Variants in EYA1 observed in about 807,000 individuals in gnomAD.
EYA1 encodes protein phosphatase EYA1.
A neutral mutation model predicts 82.0 loss-of-function variants in EYA1; 16 were observed. That is an observed-to-expected ratio of 0.20 (90% CI 0.13 to 0.30). The LOEUF (loss-of-function observed/expected upper bound fraction) is 0.30. Ranked by LOEUF, EYA1 falls within the 10% of genes least tolerant of loss-of-function variation. The pLI is 1.00. For synonymous variants in EYA1, 261 were observed against 264.4 expected, an observed-to-expected ratio of 0.99 and a Z score of 0.12; for missense variants, 633 against 730.7, an observed-to-expected ratio of 0.87 and a Z score of 1.54.
intron 2 of EYA1, among the ~76,000 whole-genome samples, chr8:71,486,586 C>T (rs866347175): frequency 5.9e-5 from 9 of 152,272 alleles, no homozygotes; most frequent in Admixed American, 6.5e-5. Context: ...GGGGATCCTC[C>T]GAATCCAGAG....
At chr8:71,359,253 TA>T (rs2058949381) in intron 1 of EYA1, among the ~76,000 whole-genome samples, 1 of 152,198 alleles carries the variant, frequency 6.6e-6, no homozygotes. Flanking sequence ...ATTAAATTTA[TA>T]ATTCTTCACA....
At chr8:71,268,399 G>A (rs7018455) in intron 11 of EYA1, among the ~76,000 whole-genome samples, 76,169 of 152,034 alleles carry the variant, frequency 0.5, 19,221 homozygotes, top group South Asian at 0.58. Flanking sequence ...TCAGATATTA[G>A]TCTTTAGTTT....
At chr8:71,310,209 T>G (rs981962576) in intron 7 of EYA1, among the ~76,000 whole-genome samples, 1 of 151,614 alleles carries the variant, frequency 6.6e-6, no homozygotes, top group East Asian at 1.9e-4. Flanking sequence ...CAAGGAAAGA[T>G]GGCATTAAAC....
At chr8:71,509,823 G>A (rs1353955949) in intron 2 of EYA1, among the ~76,000 whole-genome samples, 1 of 152,056 alleles carries the variant, frequency 6.6e-6, no homozygotes. Context: ...CCACTGGAGA[G>A]CATATTGTCC....
At chr8:71,351,282 T>C (rs1003588080) in intron 3 of EYA1, among the ~76,000 whole-genome samples, 2 of 152,196 alleles carry the variant, frequency 1.3e-5, no homozygotes, top group African/African-American at 4.8e-5. Context: ...CATCCATTAG[T>C]GTCTTCCAGG....
At chr8:71,290,261 T>C (rs1171215825) in intron 9 of EYA1, among the ~76,000 whole-genome samples, 1 of 152,172 alleles carries the variant, frequency 6.6e-6, no homozygotes, top group Non-Finnish European at 1.5e-5. Context: ...CAAACACTCA[T>C]AACTTTGTCC....
chr8:71,460,116 T>G (rs1808256064), intron 2 of EYA1, among the ~76,000 whole-genome samples: 1 of 152,336 alleles, frequency 6.6e-6, no homozygotes, highest in African/African-American at 2.4e-5. Context: ...CAGAAGACAT[T>G]GTTCACATTC....
At chr8:71,369,207 A>AG (rs1199109248) in intron 2 of EYA1, among the ~76,000 whole-genome samples, 4 of 151,678 alleles carry the variant, frequency 2.6e-5, no homozygotes, top group African/African-American at 9.7e-5. Flanking sequence ...CGTCTCAAAA[A>AG]AAAAAAAAAA....
At chr8:71,389,841 G>C (rs945661942) in intron 2 of EYA1, among the ~76,000 whole-genome samples, 1 of 152,156 alleles carries the variant, frequency 6.6e-6, no homozygotes, top group Non-Finnish European at 1.5e-5. Flanking sequence ...TCAAAGATCT[G>C]TAGGTTAATA....
At position 71,535,166 on chromosome 8, in the gene EYA1, T is replaced by C. The variant is rs541089363; in HGVS notation, c.33+578A>G. Among the ~76,000 whole-genome samples the C allele has an allele frequency of 2.0e-5, 3 of 152,360 alleles. No individual in the cohort carries two copies. The East Asian group carries it at 5.8e-4, about 29-fold the overall frequency. On this transcript the variant is annotated intron_variant, in intron 2 of 18. Coordinates refer to the EYA1 transcript ENST00000643681. The stretch of plus-strand genomic sequence containing the variant: ...ACCCCTAATTGGGAATATTCATTTA[T>C]GAACCAAAGGTAGCTTTCTTTCTTC...
rs554877706 is a variant in EYA1 at position 71,209,624 on chromosome 8, C to CTT, written c.1698+1530_1698+1531dup. Among the ~76,000 whole-genome samples the CTT allele has an allele frequency of 5.3e-5, 8 of 152,276 alleles. No homozygotes were observed. In the South Asian group the frequency reaches 1.7e-3, roughly 32 times the overall value. ...GTAGGAAGGCTGGCCATGTATCATACTTAGGCTCAGTGCTGCATCTGTAAT... is the reference window on the plus strand; with the variant it reads ...GTAGGAAGGCTGGCCATGTATCATACTTTTAGGCTCAGTGCTGCATCTGTAAT... On this transcript the variant is annotated intron_variant, in intron 17 of 17. Transcript: ENST00000340726.
intron 11 of EYA1, among the ~76,000 whole-genome samples, chr8:71,256,538 G>T (rs1052527384): frequency 2.0e-5 from 3 of 152,110 alleles, no homozygotes; most frequent in African/African-American, 4.8e-5. Flanking sequence ...CCAGGAATTG[G>T]GGGGAGGGGA....
intron 2 of EYA1, among the ~76,000 whole-genome samples, chr8:71,493,422 G>C (rs2129227322): frequency 6.6e-6 from 1 of 152,250 alleles, no homozygotes; most frequent in African/African-American, 2.4e-5. Flanking sequence ...GGTTTATCCA[G>C]TAAACAGTAA....
intron 2 of EYA1, among the ~76,000 whole-genome samples, chr8:71,400,646 G>C (rs1471111712): frequency 9.9e-5 from 15 of 152,176 alleles, no homozygotes; most frequent in Non-Finnish European, 2.1e-4. Context: ...ACAGTTGCTG[G>C]TGAGGCTGTG....
intron 1 of EYA1, among the ~76,000 whole-genome samples, chr8:71,358,525 C>A (rs1321179170): frequency 1.3e-5 from 2 of 152,208 alleles, no homozygotes; most frequent in African/African-American, 2.4e-5. Context: ...CTAATCCTCA[C>A]TTAGGCTGGT....
chr8:71,453,514 C>A (rs1586746804), intron 2 of EYA1, among the ~76,000 whole-genome samples: 1 of 152,238 alleles, frequency 6.6e-6, no homozygotes, highest in East Asian at 1.9e-4. Context: ...TAAGGGCAGG[C>A]AGAAAGAAAG....
At chr8:71,525,855 A>G (rs1813775230) in intron 2 of EYA1, among the ~76,000 whole-genome samples, 4 of 152,200 alleles carry the variant, frequency 2.6e-5, no homozygotes, top group Non-Finnish European at 5.9e-5. Context: ...CTGTTTACAA[A>G]ACCTTGGCTC....
chr8:71,286,424 G>T, intron 9 of EYA1, among the ~76,000 whole-genome samples: 1 of 152,124 alleles, frequency 6.6e-6, no homozygotes, highest in Non-Finnish European at 1.5e-5. Context: ...CTTGTTTAAG[G>T]GTAAAACTGA....
At chr8:71,322,095 T>C in intron 5 of EYA1, 104 bp downstream of exon 5, 1 of 1,195,710 alleles carries the variant, frequency 8.4e-7, no homozygotes. Context: ...TGAAATGCAC[T>C]TTCATTTAAA....
Sources: allele counts gnomAD v4.1 joint callset (sites outside exome capture counted in the v4.1 genomes callset), GRCh38; gene constraint gnomAD v4.1.1; transcripts MANE v1.5; gene names NCBI Gene and HGNC (gene_info 2026-07-23, HGNC 2026-07-21).